The following MKX variants were observed in gnomAD, a reference collection of about 807,000 sequenced individuals.
The protein encoded by MKX is homeobox protein Mohawk.
In MKX, 13 loss-of-function variants were observed where a neutral mutation model predicts 36.0. The ratio of observed to expected loss-of-function variants is 0.36; its 90% CI spans 0.24 to 0.57. The LOEUF is 0.57. MKX is among the 20% of genes least tolerant of loss of function. The pLI, the probability that MKX is intolerant of heterozygous loss-of-function variation, is 0.79. For missense variants in MKX, 458 were observed against 456.4 expected, an observed-to-expected ratio of 1.00 and a Z score of -0.03; for synonymous variants, 176 against 178.3, an observed-to-expected ratio of 0.99 and a Z score of 0.10.
intron 5 of MKX, among the ~76,000 whole-genome samples, chr10:27,684,105 C>A (rs988360105): frequency 2.0e-5 from 3 of 151,800 alleles, no homozygotes; most frequent in African/African-American, 7.3e-5. Flanking sequence ...CTTGAGCCCA[C>A]GAGTTTGAGA....
chr10:27,728,694 G>C (rs969253415), intron 5 of MKX, among the ~76,000 whole-genome samples: 1 of 152,182 alleles, frequency 6.6e-6, no homozygotes, highest in African/African-American at 2.4e-5. Flanking sequence ...AGCCCACGCA[G>C]ATCCAATGGT....
chr10:27,695,181 C>T (rs1278397224), intron 5 of MKX, among the ~76,000 whole-genome samples: 4 of 152,092 alleles, frequency 2.6e-5, no homozygotes, highest in African/African-American at 7.2e-5. Flanking sequence ...CCAGCAGTAG[C>T]GTGCCACTGT....
chr10:27,734,601 C>G lies in MKX; in HGVS notation c.693G>C (p.Leu231Phe). The change falls in exon 5 of 7, where the codon TTG becomes TTC. Residue 231 changes from leucine to phenylalanine, a missense_variant. Around this residue, in one of 3 missense-constraint regions of MKX, gnomAD observed 297 missense variants for 304.4 expected, o/e 0.98. Transcript: ENST00000419761. ...SLLNRYLNDSLRHVMATNTTM... is the reference protein window; with the variant it reads ...SLLNRYLNDSFRHVMATNTTM... ...TAGTGTTCGTGGCCATGACATGTCT[C>G]AAAGAGTCATTAAGGTAACGGTTCA... is the stretch of plus-strand genomic sequence containing the variant. The G allele has an allele frequency of 6.2e-7, 1 of 1,614,142 alleles. No homozygotes were observed.
In MKX at chr10:27,719,216, A is replaced by G. The variant is rs117295868; in HGVS notation, c.838+15240T>C. On this transcript the variant is annotated intron_variant, in intron 5 of 6. Transcript: ENST00000419761. ...TCATGGAAAGGAAAATACATATGGCATCAAGTTGGTGGGGAAATCCAAACT... is the reference window on the plus strand; with the variant it reads ...TCATGGAAAGGAAAATACATATGGCGTCAAGTTGGTGGGGAAATCCAAACT... Among the ~76,000 whole-genome samples, 1,242 of 152,312 alleles carry G rather than the reference A, an allele frequency of 8.2e-3. 13 individuals carry two copies. The highest frequency in any genetic ancestry group is 0.027 in the Middle Eastern group (8 of 294).
In MKX at chr10:27,744,208, G is replaced by C. The variant is rs1290129984; in HGVS notation, c.-82-711C>G. Among the ~76,000 whole-genome samples the C allele has an allele frequency of 1.3e-5, 2 of 151,878 alleles. No homozygotes were observed. Among genetic ancestry groups the C allele is most frequent in the African/African-American group, 4.8e-5 (2 of 41,354 alleles). On this transcript the variant is annotated intron_variant, in intron 1 of 6. Transcript: ENST00000419761. This position sits in a 1 kb window ranked among gnomAD's most constrained non-coding sequence, Gnocchi z 5.6. The stretch of plus-strand genomic sequence containing the variant: ...GAATCTTCCTATCATCCCCCAACGC[G>C]CCCCGGGAAGTGCATGGTCCTAAGG...
At chr10:27,728,745 C>T (rs913649712) in intron 5 of MKX, among the ~76,000 whole-genome samples, 1 of 152,112 alleles carries the variant, frequency 6.6e-6, no homozygotes, top group East Asian at 1.9e-4. Context: ...ACTACTGATA[C>T]CAGCTTAAAT....
intron 1 of MKX, 23 bp from the exon 2 acceptor site, chr10:27,743,520 G>A (rs764274500): frequency 4.9e-6 from 6 of 1,218,376 alleles, no homozygotes; most frequent in Non-Finnish European, 6.6e-6. Context: ...GGTGCATCTC[G>A]TTACTTACTG....
intron 5 of MKX, among the ~76,000 whole-genome samples, chr10:27,694,360 C>CTACA (rs1198254215): frequency 1.3e-5 from 2 of 151,798 alleles, no homozygotes; most frequent in Admixed American, 6.6e-5. Flanking sequence ...TTGGAATATA[C>CTACA]TACACATACT....
intron 5 of MKX, among the ~76,000 whole-genome samples, chr10:27,720,171 A>G (rs185797903): frequency 1.1e-3 from 160 of 152,258 alleles, no homozygotes; most frequent in Non-Finnish European, 1.8e-3. Context: ...TCCTTTCACA[A>G]GTGAATTCTT....
intron 5 of MKX, among the ~76,000 whole-genome samples, chr10:27,724,571 T>G (rs1429888369): frequency 6.6e-6 from 1 of 152,122 alleles, no homozygotes; most frequent in Non-Finnish European, 1.5e-5. Context: ...CTGAGACTAA[T>G]CTATCTCCTC....
chr10:27,688,755 T>G (rs1836402044), intron 5 of MKX, among the ~76,000 whole-genome samples: 1 of 152,210 alleles, frequency 6.6e-6, no homozygotes, highest in African/African-American at 2.4e-5. Context: ...AATCTTAATT[T>G]TGTCCCCACA....
intron 5 of MKX, among the ~76,000 whole-genome samples, chr10:27,703,957 A>G (rs1836707655): frequency 6.6e-6 from 1 of 152,104 alleles, no homozygotes; most frequent in African/African-American, 2.4e-5. Context: ...ATACAAGAAA[A>G]CACAGAAAAA....
At chr10:27,686,617 C>T in intron 5 of MKX, among the ~76,000 whole-genome samples, 1 of 151,990 alleles carries the variant, frequency 6.6e-6, no homozygotes, top group East Asian at 1.9e-4. Flanking sequence ...GCTGGGATTA[C>T]AGGTGCCCAC....
chr10:27,689,989 C>G (rs1029696281), intron 5 of MKX, among the ~76,000 whole-genome samples: 1 of 152,152 alleles, frequency 6.6e-6, no homozygotes, highest in Non-Finnish European at 1.5e-5. Context: ...CTATTAAATT[C>G]CGATGGCATA....
At chr10:27,683,688 G>A (rs1397164448) in intron 5 of MKX, among the ~76,000 whole-genome samples, 1 of 152,232 alleles carries the variant, frequency 6.6e-6, no homozygotes, top group Non-Finnish European at 1.5e-5. Context: ...TGCGTCTAGT[G>A]TGTTACTGAC....
intron 5 of MKX, among the ~76,000 whole-genome samples, chr10:27,731,913 T>C (rs1047871060): frequency 1.3e-5 from 2 of 152,198 alleles, no homozygotes; most frequent in Admixed American, 6.5e-5. Flanking sequence ...CCAGGCAATG[T>C]TAAAAATTTT....
In MKX at chr10:27,741,360, C is replaced by G; in HGVS notation, c.333G>C (p.Gln111His). ...TEKILLALGS[Q>H]MTLVQVSNWF... ...TCCTGATTACCTGCACTAGCGTCATCTGCGAGCCGAGGGCCAAGAGTATCT... is the reference window on the plus strand; with the variant it reads ...TCCTGATTACCTGCACTAGCGTCATGTGCGAGCCGAGGGCCAAGAGTATCT... Residue 111 changes from glutamine (Q) to histidine (H), a missense_variant, in exon 3 of 7, where the codon CAG becomes CAC. Gln to His is a conservative substitution (Grantham distance 24). Around this residue, in one of 3 missense-constraint regions of MKX, gnomAD observed 297 missense variants for 304.4 expected, o/e 0.98. Coordinates refer to ENST00000419761, the MANE Select transcript of MKX (RefSeq NM_173576.3). The surrounding 1 kb of genome is among the most constrained non-coding windows in gnomAD (Gnocchi z 5.1). The G allele has an allele frequency of 1.2e-6, 2 of 1,613,112 alleles. No individual in the cohort carries two copies. Among genetic ancestry groups the G allele is most frequent in the African/African-American group, 1.3e-5 (1 of 74,986 alleles).
At chr10:27,726,575 T>A (rs1834493554) in intron 5 of MKX, among the ~76,000 whole-genome samples, 1 of 152,192 alleles carries the variant, frequency 6.6e-6, no homozygotes, top group African/African-American at 2.4e-5. Flanking sequence ...TTAAACTCTC[T>A]AAATTTTTCC....
intron 5 of MKX, among the ~76,000 whole-genome samples, chr10:27,692,926 C>T (rs1232053075): frequency 6.6e-5 from 10 of 152,120 alleles, no homozygotes; most frequent in Non-Finnish European, 4.4e-5. Flanking sequence ...ATCCACCAGG[C>T]GAACAGCTTG....
Sources: gnomAD v4.1 joint callset for allele counts (sites outside exome capture counted in the v4.1 genomes callset) on GRCh38, gnomAD v4.1.1 for gene constraint, gnomAD v4.1.1 regional missense constraint, Gnocchi (gnomAD v3.1) non-coding constraint, MANE v1.5 for transcripts, NCBI Gene and HGNC (gene_info 2026-07-23, HGNC 2026-07-21) for gene names.